Variants in FAT3 observed in about 807,000 individuals in gnomAD.
FAT3 encodes the protein protocadherin Fat 3.
A neutral mutation model predicts 310.2 loss-of-function variants in FAT3; 95 were observed. That is an observed-to-expected ratio of 0.31 (90% CI 0.26 to 0.36). The LOEUF is 0.36. Among genes scored for constraint, FAT3 ranks in the 10% least tolerant of loss-of-function variants. The pLI is 1.00. For missense variants in FAT3, 5,408 were observed against 5,715.6 expected, an observed-to-expected ratio of 0.95 and a Z score of 1.74; for synonymous variants, 2,314 against 2,192.9, an observed-to-expected ratio of 1.06 and a Z score of -1.54.
At chr11:92,841,061 C>T (rs1948536094) in intron 18 of FAT3, among the ~76,000 whole-genome samples, 1 of 152,166 alleles carries the variant, frequency 6.6e-6, no homozygotes, top group Admixed American at 6.5e-5. Flanking sequence ...TATGCTATTG[C>T]CCATCACATT....
chr11:92,349,184 G>C (rs1313889428), intron 1 of FAT3, among the ~76,000 whole-genome samples: 1 of 152,130 alleles, frequency 6.6e-6, no homozygotes, highest in Non-Finnish European at 1.5e-5. Context: ...GGGAAATAAG[G>C]CAGAAACTTT....
rs1356015393 is a variant in FAT3, at chr11:92,608,810, TC to T, written c.3607+83863del. 2.6e-5 allele frequency among the ~76,000 whole-genome samples: 4 copies of T among 152,044 alleles called. No individual in the cohort carries two copies. The East Asian group carries it at 7.7e-4, about 29-fold the overall frequency. Reference sequence around the variant, plus strand: ...CAATGCCTAGGGAACAGCATCTCTGTCTGGAAGGTTGGAAGGAACTTCAAGG... The same window carrying T: ...CAATGCCTAGGGAACAGCATCTCTGTTGGAAGGTTGGAAGGAACTTCAAGG... On this transcript the variant is annotated intron_variant, in intron 3 of 27. Coordinates refer to ENST00000525166, the MANE Select transcript of FAT3 (RefSeq NM_001367949.2).
At chr11:92,712,280 G>A (rs1944548797) in intron 4 of FAT3, among the ~76,000 whole-genome samples, 1 of 152,100 alleles carries the variant, frequency 6.6e-6, no homozygotes, top group Non-Finnish European at 1.5e-5. Flanking sequence ...GTTCCAACTT[G>A]GAGCTATTAA....
Position 92,429,283 on chromosome 11 carries a change from G to A in FAT3, c.3292+73879G>A, listed in dbSNP as rs140711600. 3.1e-3 allele frequency among the ~76,000 whole-genome samples: 467 copies of A among 152,170 alleles called. 2 individuals carry two copies. Among genetic ancestry groups the A allele is most frequent in the African/African-American group, 0.01 (431 of 41,518 alleles). ...TGAGCTTATGTGTGTCTTTGCAAGTGAGATGGGTCTCCTGAATACAGCAAA... is the reference window on the plus strand; with the variant it reads ...TGAGCTTATGTGTGTCTTTGCAAGTAAGATGGGTCTCCTGAATACAGCAAA... On this transcript the variant is annotated intron_variant, in intron 2 of 27. Transcript: ENST00000525166.
At chr11:92,297,160 A>T (rs557802485) in intron 1 of FAT3, among the ~76,000 whole-genome samples, 43 of 152,090 alleles carry the variant, frequency 2.8e-4, no homozygotes, top group Non-Finnish European at 4.9e-4. Flanking sequence ...CATCATTGGT[A>T]GTCCTTCTCT....
At chr11:92,838,244 C>G (rs1948454854) in intron 17 of FAT3, among the ~76,000 whole-genome samples, 2 of 152,194 alleles carry the variant, frequency 1.3e-5, no homozygotes, top group African/African-American at 4.8e-5. Flanking sequence ...TTATGCTATT[C>G]TGGCAGATGA....
chr11:92,692,839 A>G (rs1943833923), intron 3 of FAT3, among the ~76,000 whole-genome samples: 1 of 152,204 alleles, frequency 6.6e-6, no homozygotes, highest in Non-Finnish European at 1.5e-5. Context: ...GTCTTGGAGA[A>G]TTATGCTGAA....
At chr11:92,566,298 A>G (rs941373679) in intron 3 of FAT3, among the ~76,000 whole-genome samples, 1 of 152,210 alleles carries the variant, frequency 6.6e-6, no homozygotes, top group Non-Finnish European at 1.5e-5. Context: ...TGCTTCAAAG[A>G]CAATAAAATA....
At chr11:92,829,392 C>A (rs1321170433) in intron 13 of FAT3, among the ~76,000 whole-genome samples, 1 of 152,200 alleles carries the variant, frequency 6.6e-6, no homozygotes, top group Non-Finnish European at 1.5e-5. Flanking sequence ...AACCTGTGTG[C>A]TGTATTTATG....
chr11:92,492,426 T>C (rs1207800365), intron 2 of FAT3, among the ~76,000 whole-genome samples: 1 of 152,036 alleles, frequency 6.6e-6, no homozygotes, highest in East Asian at 1.9e-4. Context: ...AAAATGGAGA[T>C]CATAATAATT....
intron 19 of FAT3, among the ~76,000 whole-genome samples, chr11:92,847,692 A>G (rs1050353172): frequency 6.6e-6 from 1 of 152,170 alleles, no homozygotes; most frequent in African/African-American, 2.4e-5. Context: ...ACTGGTCAGG[A>G]AACCAAACTT....
intron 4 of FAT3, among the ~76,000 whole-genome samples, chr11:92,714,790 A>G (rs1944625375): frequency 6.6e-6 from 1 of 152,176 alleles, no homozygotes. Context: ...TATCTTTAGC[A>G]CTAACACAGT....
chr11:92,461,006 C>T (rs1335473574), intron 2 of FAT3, among the ~76,000 whole-genome samples: 1 of 152,146 alleles, frequency 6.6e-6, no homozygotes, highest in East Asian at 1.9e-4. Flanking sequence ...CCATGCCATG[C>T]CTAGCCATAT....
At chr11:92,328,062 T>C (rs1359268386) in intron 1 of FAT3, among the ~76,000 whole-genome samples, 1 of 152,200 alleles carries the variant, frequency 6.6e-6, no homozygotes, top group Non-Finnish European at 1.5e-5. Context: ...GGGCCCCAGT[T>C]CCTGTCTTGT....
At chr11:92,864,251 T>A (rs999010616) in intron 21 of FAT3, among the ~76,000 whole-genome samples, 4 of 149,616 alleles carry the variant, frequency 2.7e-5, no homozygotes, top group Non-Finnish European at 4.4e-5. Flanking sequence ...TGAACATCTT[T>A]TTACAAAAAC....
intron 2 of FAT3, among the ~76,000 whole-genome samples, chr11:92,493,594 C>T (rs1168167292): frequency 6.6e-6 from 1 of 152,076 alleles, no homozygotes; most frequent in South Asian, 2.1e-4. Flanking sequence ...TGGGAGGACT[C>T]TGCTTCTTCC....
intron 22 of FAT3, among the ~76,000 whole-genome samples, chr11:92,867,699 TC>T (rs60317863): frequency 0.051 from 7,796 of 152,184 alleles, 675 homozygotes; most frequent in African/African-American, 0.18. Flanking sequence ...CTAGAAGCTG[TC>T]CCCCAGGAAT....
chr11:92,387,028 C>T (rs1289004930), intron 2 of FAT3, among the ~76,000 whole-genome samples: 1 of 150,882 alleles, frequency 6.6e-6, no homozygotes, highest in Non-Finnish European at 1.5e-5. Context: ...GTGATAAATG[C>T]TATGAGCCAG....
At chr11:92,694,059 A>G (rs765690982) in intron 3 of FAT3, among the ~76,000 whole-genome samples, 2 of 152,248 alleles carry the variant, frequency 1.3e-5, no homozygotes, top group Non-Finnish European at 2.9e-5. Flanking sequence ...TTATTAGCAT[A>G]TAATTTACAT....
Sources: allele counts gnomAD v4.1 joint callset (sites outside exome capture counted in the v4.1 genomes callset), GRCh38; gene constraint gnomAD v4.1.1; transcripts MANE v1.5; gene names NCBI Gene and HGNC (gene_info 2026-07-23, HGNC 2026-07-21).